The following CPNE4 variants were observed in gnomAD, a reference collection of about 807,000 sequenced individuals.
The protein encoded by CPNE4 is copine-4.
A neutral mutation model predicts 67.9 loss-of-function variants in CPNE4; 25 were observed. The observed-to-expected ratio is 0.37, with a 90% CI of 0.27 to 0.51. The LOEUF (loss-of-function observed/expected upper bound fraction) is 0.51. Among genes scored for constraint, CPNE4 ranks in the 20% least tolerant of loss-of-function variants. The probability of loss-of-function intolerance (pLI) is 0.93; values close to 1 mark genes in which losing one functional copy is unlikely to be tolerated. For synonymous variants in CPNE4, 242 were observed against 244.9 expected, an observed-to-expected ratio of 0.99 and a Z score of 0.11; for missense variants, 464 against 690.8, an observed-to-expected ratio of 0.67 and a Z score of 3.68.
At chr3:131,963,050 C>G (rs2072230920) in intron 1 of CPNE4, among the ~76,000 whole-genome samples, 1 of 152,018 alleles carries the variant, frequency 6.6e-6, no homozygotes, top group Admixed American at 6.6e-5. Flanking sequence ...AACAGAGGTA[C>G]CCGGTTCATC....
intron 2 of CPNE4, among the ~76,000 whole-genome samples, chr3:131,840,594 G>A (rs1364899650): frequency 1.3e-5 from 2 of 152,184 alleles, no homozygotes; most frequent in African/African-American, 4.8e-5. Context: ...AACACATTCA[G>A]ACACCACCCT....
At chr3:131,660,329 G>T (rs888341080) in intron 7 of CPNE4, among the ~76,000 whole-genome samples, 16 of 124,620 alleles carry the variant, frequency 1.3e-4, no homozygotes, top group Non-Finnish European at 2.3e-4. Context: ...AGTCACTAAA[G>T]ACTAGGCAGA....
At chr3:131,555,661 GC>G in intron 11 of CPNE4, 110 bp from the exon 12 acceptor site, 1 of 860,380 alleles carries the variant, frequency 1.2e-6, no homozygotes, top group Non-Finnish European at 1.9e-6. Flanking sequence ...ATGTTGCTAT[GC>G]CAGTGCTGAC....
At position 131,805,538 on chromosome 3, in the gene CPNE4, TCTCA is replaced by T. The variant is rs760861719; in HGVS notation, c.181-81917_181-81914del. Among the ~76,000 whole-genome samples the T allele has an allele frequency of 3.9e-5, 6 of 152,334 alleles. No individual in the cohort carries two copies. In the East Asian group the frequency reaches 1.2e-3, roughly 29 times the overall value. On this transcript the variant is annotated intron_variant, in intron 2 of 15. Coordinates refer to ENST00000429747, the MANE Select transcript of CPNE4 (RefSeq NM_130808.3). ...TATTGGGTAGGCTCAGCTAAATGAT[TCTCA>T]CTCAGAGTCTCTCATGAAGTTGCAA... is the stretch of plus-strand genomic sequence containing the variant.
rs368459779 is a variant in CPNE4 at position 131,952,587 on chromosome 3, G to A, written c.-1-47143C>T. The stretch of plus-strand genomic sequence containing the variant: ...AGGGAGGTGGGGGGGTCAGCACCCC[G>A]CCCGGCCAGCCGCCCCGTCCGGAGG... On this transcript the variant is annotated intron_variant, in intron 1 of 15. Transcript: ENST00000429747. 4.6e-4 allele frequency among the ~76,000 whole-genome samples: 33 copies of A among 71,204 alleles called. 1 individual carries two copies. Among genetic ancestry groups the A allele is most frequent in the African/African-American group, 1.8e-3 (29 of 16,168 alleles). 46.7% of individuals were successfully genotyped at this position (71,204 alleles called of 152,430 possible).
intron 7 of CPNE4, among the ~76,000 whole-genome samples, chr3:131,668,825 G>C (rs1279341536): frequency 6.6e-6 from 1 of 152,166 alleles, no homozygotes; most frequent in Non-Finnish European, 1.5e-5. Flanking sequence ...TGGTGACTTT[G>C]AATGCATATT....
chr3:131,652,731 C>G (rs1393520619), intron 7 of CPNE4, among the ~76,000 whole-genome samples: 1 of 152,178 alleles, frequency 6.6e-6, no homozygotes, highest in African/African-American at 2.4e-5. Context: ...CATATATTTA[C>G]TGACAACTCA....
intron 15 of CPNE4, chr3:131,537,663 T>C: frequency 3.8e-6 from 1 of 261,874 alleles, no homozygotes; most frequent in South Asian, 4.0e-5. Flanking sequence ...GTTTGGGACT[T>C]CAGCCAACAT....
intron 1 of CPNE4, among the ~76,000 whole-genome samples, chr3:132,010,689 T>A (rs2073737629): frequency 6.6e-6 from 1 of 152,138 alleles, no homozygotes; most frequent in South Asian, 2.1e-4. Context: ...GTGCATGTAG[T>A]CAGAGGGGCC....
intron 2 of CPNE4, among the ~76,000 whole-genome samples, chr3:131,728,938 G>A (rs898661007): frequency 6.6e-5 from 10 of 151,668 alleles, no homozygotes; most frequent in African/African-American, 2.2e-4. Flanking sequence ...GCTTGTGTGC[G>A]GGGCAATGTG....
rs370338499 is a variant in CPNE4, at chr3:131,808,519, A to AG, written c.181-84895dup. On this transcript the variant is annotated intron_variant, in intron 2 of 15. Coordinates refer to ENST00000429747, the MANE Select transcript of CPNE4 (RefSeq NM_130808.3). ...AAACTACTCAAACTAAAACTCAAAG[A>AG]GAAAAAAAAAGATGGGAGATAATTA... 1.6e-3 allele frequency among the ~76,000 whole-genome samples: 228 copies of AG among 141,438 alleles called. 1 individual carries two copies. Among genetic ancestry groups the AG allele is most frequent in the African/African-American group, 5.4e-3 (221 of 41,242 alleles). The allele number at this position is 141,438 out of a possible 152,430, so 92.8% of individuals were successfully genotyped here.
At chr3:131,887,657 T>C (rs991172545) in intron 2 of CPNE4, among the ~76,000 whole-genome samples, 2 of 152,346 alleles carry the variant, frequency 1.3e-5, no homozygotes, top group South Asian at 4.1e-4. Flanking sequence ...ATGCATTTCC[T>C]AAGTTTAATG....
intron 2 of CPNE4, among the ~76,000 whole-genome samples, chr3:131,854,617 C>G (rs530280745): frequency 9.9e-5 from 15 of 151,996 alleles, no homozygotes; most frequent in African/African-American, 3.4e-4. Context: ...AAACAACCAA[C>G]ATTTTCACTG....
intron 2 of CPNE4, among the ~76,000 whole-genome samples, chr3:131,870,608 C>G (rs1005190411): frequency 6.6e-6 from 1 of 152,154 alleles, no homozygotes; most frequent in African/African-American, 2.4e-5. Flanking sequence ...CTTCTCCTTC[C>G]TCCTTTTCTT....
At chr3:131,852,785 A>C (rs2086286816) in intron 2 of CPNE4, among the ~76,000 whole-genome samples, 1 of 151,782 alleles carries the variant, frequency 6.6e-6, no homozygotes, top group Non-Finnish European at 1.5e-5. Flanking sequence ...ATAAATTAGC[A>C]AAGTCACAGG....
intron 2 of CPNE4, among the ~76,000 whole-genome samples, chr3:131,817,652 G>A (rs2084795703): frequency 6.6e-6 from 1 of 152,164 alleles, no homozygotes; most frequent in Non-Finnish European, 1.5e-5. Context: ...GAGTGGCAAA[G>A]GCCAGCAAGG....
In CPNE4 at chr3:131,855,294, G is replaced by C. The variant is rs146146297; in HGVS notation, c.180+49970C>G. ...AGCATATGTTAAGGCATTGAAACTT[G>C]GTTCTGGCACTAATCTCTTATCACT... On this transcript the variant is annotated intron_variant, in intron 2 of 15. Transcript: ENST00000429747. Among the ~76,000 whole-genome samples the C allele has an allele frequency of 1.4e-3, 208 of 152,020 alleles. 3 individuals carry two copies. In the South Asian group the frequency reaches 0.018, roughly 13 times the overall value.
intron 2 of CPNE4, among the ~76,000 whole-genome samples, chr3:131,853,430 T>G (rs1274096255): frequency 6.6e-6 from 1 of 151,804 alleles, no homozygotes; most frequent in Non-Finnish European, 1.5e-5. Flanking sequence ...TTGAGATGGA[T>G]TATAGGCTGA....
At chr3:131,968,968 G>C (rs1365112530) in intron 1 of CPNE4, among the ~76,000 whole-genome samples, 2 of 145,138 alleles carry the variant, frequency 1.4e-5, no homozygotes, top group African/African-American at 4.9e-5. Flanking sequence ...AATGCCCATC[G>C]ATGATAGACT....
Sources: allele counts gnomAD v4.1 joint callset (sites outside exome capture counted in the v4.1 genomes callset), GRCh38; gene constraint gnomAD v4.1.1; transcripts MANE v1.5; gene names NCBI Gene and HGNC (gene_info 2026-07-23, HGNC 2026-07-21).